CLMN: variants seen among roughly 807,000 people sequenced by gnomAD.
CLMN encodes the protein calmin (calponin-like, transmembrane).
A neutral mutation model predicts 92.7 loss-of-function variants in CLMN; 57 were observed. The ratio of observed to expected loss-of-function variants is 0.61; its 90% confidence interval spans 0.50 to 0.77. The LOEUF (loss-of-function observed/expected upper bound fraction) is 0.77, where lower values mean the gene tolerates loss of function less well. Among genes scored for constraint, CLMN ranks in the 30% least tolerant of loss-of-function variants. CLMN has a pLI of 0.00. For missense variants in CLMN, 1,158 were observed against 1,237.5 expected (o/e 0.94, Z 0.96); for synonymous variants, 466 against 470.6 (o/e 0.99, Z 0.13).
chr14:95,203,365 T>C lies in CLMN; in HGVS notation c.1984A>G (p.Lys662Glu), dbSNP rs767467800. The C allele has an allele frequency of 1.2e-6, 2 of 1,614,146 alleles. No homozygotes were observed. Among genetic ancestry groups the C allele is most frequent in the South Asian group, 2.2e-5 (2 of 91,078 alleles). The change falls in exon 9 of 13, where the codon AAG becomes GAG. Residue 662 changes from lysine (K) to glutamate (E), a missense_variant. Lys to Glu is a moderately conservative substitution (Grantham distance 56). Transcript: ENST00000298912. ...DKKPEVHEKAKRKSTRPHYEE... is the reference protein window; with the variant it reads ...DKKPEVHEKAERKSTRPHYEE... ...TAATGAGGACGGGTGGACTTTCTCT[T>C]GGCCTTTTCATGCACCTCTGGCTTT...
At chr14:95,258,236 C>T (rs547073055) in intron 1 of CLMN, among the ~76,000 whole-genome samples, 1 of 147,392 alleles carries the variant, frequency 6.8e-6, no homozygotes, top group East Asian at 2.0e-4. Context: ...ATGGTGTGTA[C>T]ATATGTATGA....
rs1896478401 is a variant in CLMN at position 95,187,936 on chromosome 14, G to A, written c.*3628C>T. ...GCTCATGGGGACTTCTGCCCAGATGGGACACCATTTTTGAAACCACATGAG... is the reference window on the plus strand; with the variant it reads ...GCTCATGGGGACTTCTGCCCAGATGAGACACCATTTTTGAAACCACATGAG... On this transcript the variant is annotated 3_prime_UTR_variant, in exon 13 of 13. Coordinates refer to ENST00000298912, the MANE Select transcript of CLMN (RefSeq NM_024734.4). The A allele has an allele frequency of 6.6e-6, 1 of 152,226 alleles. No individual in the cohort carries two copies. The highest frequency in any genetic ancestry group is 2.4e-5 in the African/African-American group (1 of 41,462). 9.4% of individuals were successfully genotyped at this position (152,226 alleles called of 1,614,324 possible). A position where few individuals can be genotyped will look rare whatever the true frequency, so the allele number is the denominator to read the frequency against.
chr14:95,221,890 A>G (rs372571981), intron 3 of CLMN, 116 bp from the exon 4 acceptor site: 1 of 986,120 alleles, frequency 1.0e-6, no homozygotes, highest in South Asian at 1.7e-5. Flanking sequence ...AGAAAAAGTT[A>G]GGGGCTCACA....
rs188291233 is a variant in CLMN, at chr14:95,221,866, T to C, written c.241-92A>G. The C allele has an allele frequency of 5.0e-3, 6,226 of 1,245,350 alleles. 15 individuals carry two copies. Among genetic ancestry groups the C allele is most frequent in the Non-Finnish European group, 5.5e-3 (4,938 of 889,894 alleles). 77.1% of individuals were successfully genotyped at this position (1,245,350 alleles called of 1,614,324 possible). A position where few individuals can be genotyped will look rare whatever the true frequency, so the allele number is the denominator to read the frequency against. On this transcript the variant is annotated intron_variant, in intron 3 of 12. Transcript: ENST00000298912. Reference sequence around the variant, plus strand: ...TGCTGCTGGGTGTGCTTTACTTTTTTCACATGAATTTCAAGAAAAAGTTAG... The same window carrying C: ...TGCTGCTGGGTGTGCTTTACTTTTTCCACATGAATTTCAAGAAAAAGTTAG...
intron 1 of CLMN, among the ~76,000 whole-genome samples, chr14:95,291,217 C>T (rs1173305299): frequency 2.0e-5 from 3 of 152,362 alleles, no homozygotes; most frequent in African/African-American, 2.4e-5. Flanking sequence ...TGAGCCTGGG[C>T]GTGAGCCTTC....
intron 2 of CLMN, among the ~76,000 whole-genome samples, chr14:95,228,341 C>T (rs933281142): frequency 6.6e-6 from 1 of 152,018 alleles, no homozygotes; most frequent in Non-Finnish European, 1.5e-5. Flanking sequence ...GGAGCATTGC[C>T]GAAAATGTGC....
At chr14:95,309,274 C>G (rs910148995) in intron 1 of CLMN, among the ~76,000 whole-genome samples, 1 of 152,144 alleles carries the variant, frequency 6.6e-6, no homozygotes, top group Non-Finnish European at 1.5e-5. Flanking sequence ...CTCTTGTTTT[C>G]TAAATAAACT....
In CLMN at chr14:95,264,691, T is replaced by G. The variant is rs1595074411; in HGVS notation, c.83-34558A>C. Among the ~76,000 whole-genome samples, 4 of 152,314 alleles carry G rather than the reference T, an allele frequency of 2.6e-5. No individual in the cohort carries two copies. In the South Asian group the frequency reaches 8.3e-4, roughly 32 times the overall value. On this transcript the variant is annotated intron_variant, in intron 1 of 12. Transcript: ENST00000298912. The stretch of plus-strand genomic sequence containing the variant: ...TGATGGTTACTTTTATGTGTCAACG[T>G]GACCAGGCAATGGCACCCAGAGATG...
Position 95,203,156 on chromosome 14 carries a change from G to C in CLMN, c.2193C>G (p.His731Gln). The change falls in exon 9 of 13, where the codon CAC becomes CAG. Residue 731 changes from histidine to glutamine, a missense_variant. Coordinates refer to ENST00000298912, the MANE Select transcript of CLMN (RefSeq NM_024734.4). The stretch of plus-strand genomic sequence containing the variant: ...AAACTGCAGCCAGGGGAACCTCATA[G>C]TGTGGGAAATAGAAGAGGTCGTGGG... ...VIPHDLFYFP[H>Q]YEVPLAAVLE... 1 of 1,612,756 alleles carries C rather than the reference G, an allele frequency of 6.2e-7. No individual in the cohort carries two copies. The highest frequency in any genetic ancestry group is 2.2e-5 in the East Asian group (1 of 44,880).
intron 1 of CLMN, among the ~76,000 whole-genome samples, chr14:95,299,693 G>A (rs763938826): frequency 6.6e-5 from 10 of 152,202 alleles, no homozygotes; most frequent in Non-Finnish European, 1.3e-4. Flanking sequence ...TCTAAGCTGT[G>A]TGATCATCAC....
chr14:95,202,581 A>C (rs1187618), intron 9 of CLMN, among the ~76,000 whole-genome samples: 149,558 of 152,300 alleles, frequency 0.98, 73,440 homozygotes, highest in East Asian at 1. Context: ...CTCAGAGCAT[A>C]CCTGTGAGTA....
rs1897550581 is a variant in CLMN, at chr14:95,221,790, G to A, written c.241-16C>T. 6.2e-7 allele frequency: 1 copy of A among 1,612,668 alleles called. No homozygotes were observed. Among genetic ancestry groups the A allele is most frequent in the Non-Finnish European group, 8.5e-7 (1 of 1,179,106 alleles). On this transcript the variant is annotated splice_polypyrimidine_tract_variant and intron_variant, in intron 3 of 12. Coordinates refer to ENST00000298912, the MANE Select transcript of CLMN (RefSeq NM_024734.4). Reference sequence around the variant, plus strand: ...ATTCGTGCAGCTATAAAACAGAACAGAACAAAACAAGCACATTAAACCCGC... The same window carrying A: ...ATTCGTGCAGCTATAAAACAGAACAAAACAAAACAAGCACATTAAACCCGC...
At chr14:95,220,325 C>A (rs1489203689) in intron 4 of CLMN, among the ~76,000 whole-genome samples, 1 of 152,028 alleles carries the variant, frequency 6.6e-6, no homozygotes, top group Non-Finnish European at 1.5e-5. Flanking sequence ...TATAGCTCCC[C>A]ACGACCGTGC....
intron 1 of CLMN, among the ~76,000 whole-genome samples, chr14:95,260,180 G>A (rs997879575): frequency 3.9e-5 from 6 of 152,162 alleles, no homozygotes; most frequent in South Asian, 4.1e-4. Flanking sequence ...AGTGGCTCAC[G>A]CCTGTAATCC....
At chr14:95,221,257 G>A (rs564732949) in intron 4 of CLMN, among the ~76,000 whole-genome samples, 2 of 152,274 alleles carry the variant, frequency 1.3e-5, no homozygotes, top group East Asian at 1.9e-4. Flanking sequence ...TCAAGAATGG[G>A]AGAATTTTGT....
At chr14:95,220,270 G>A (rs1897490613) in intron 4 of CLMN, among the ~76,000 whole-genome samples, 1 of 140,516 alleles carries the variant, frequency 7.1e-6, no homozygotes, top group South Asian at 2.3e-4. Context: ...TCCGCCTCCA[G>A]GGCTCAAGCA....
At chr14:95,234,330 C>T (rs181982288) in intron 1 of CLMN, among the ~76,000 whole-genome samples, 173 of 152,336 alleles carry the variant, frequency 1.1e-3, no homozygotes, top group African/African-American at 3.7e-3. Context: ...TGTCTCGACA[C>T]GAAGGTCTGC....
chr14:95,228,391 T>C (rs1478357471), intron 2 of CLMN, among the ~76,000 whole-genome samples: 5 of 152,224 alleles, frequency 3.3e-5, no homozygotes, highest in Non-Finnish European at 7.3e-5. Flanking sequence ...ATAAGCTTCA[T>C]CTGCGATACA....
At chr14:95,314,666 C>T (rs1454621518) in intron 1 of CLMN, among the ~76,000 whole-genome samples, 12 of 152,172 alleles carry the variant, frequency 7.9e-5, no homozygotes, top group African/African-American at 2.2e-4. Context: ...TTGTGGCTTC[C>T]GCAGCCGCAC....
Sources: allele counts gnomAD v4.1 joint callset (sites outside exome capture counted in the v4.1 genomes callset), GRCh38; gene constraint gnomAD v4.1.1; transcripts MANE v1.5; gene names NCBI Gene and HGNC (gene_info 2026-07-23, HGNC 2026-07-21).